GABRB1: variants seen among roughly 807,000 people sequenced by gnomAD.
GABRB1 encodes gamma-aminobutyric acid receptor subunit beta-1.
In GABRB1, 17 loss-of-function variants were observed where a neutral mutation model predicts 51.6. The observed-to-expected ratio is 0.33, with a 90% CI of 0.23 to 0.49. The LOEUF (loss-of-function observed/expected upper bound fraction) is 0.49, where lower values mean the gene tolerates loss of function less well. Ranked by LOEUF, GABRB1 falls within the 20% of genes least tolerant of loss-of-function variation. The probability of loss-of-function intolerance (pLI) is 0.99; values close to 1 mark genes in which losing one functional copy is unlikely to be tolerated. For synonymous variants in GABRB1, 247 were observed against 218.9 expected (o/e 1.13, Z -1.14); for missense variants, 410 against 600.6 (o/e 0.68, Z 3.32).
intron 4 of GABRB1, among the ~76,000 whole-genome samples, 153 bp downstream of exon 4, chr4:47,161,622 T>C (rs1717958568): frequency 6.6e-6 from 1 of 152,036 alleles, no homozygotes; most frequent in African/African-American, 2.4e-5. Context: ...CAAACCCTCA[T>C]GTAGTTAAGG....
intron 1 of GABRB1, among the ~76,000 whole-genome samples, chr4:47,010,972 A>T (rs1724564755): frequency 6.6e-6 from 1 of 152,036 alleles, no homozygotes; most frequent in South Asian, 2.1e-4. Context: ...TTTTAAACTC[A>T]TTGCCACTGA....
chr4:47,096,574 G>C (rs1210677627), intron 3 of GABRB1, among the ~76,000 whole-genome samples: 1 of 152,170 alleles, frequency 6.6e-6, no homozygotes, highest in Non-Finnish European at 1.5e-5. Flanking sequence ...AAATTTGCAG[G>C]TGTGATTAAT....
chr4:47,045,322 T>C (rs569473650), intron 3 of GABRB1, among the ~76,000 whole-genome samples: 4 of 152,252 alleles, frequency 2.6e-5, no homozygotes, highest in African/African-American at 9.6e-5. Flanking sequence ...AATGATATTT[T>C]CTTCTTAGGT....
chr4:47,335,141 GAGCTT>G (rs1047417469), intron 5 of GABRB1, among the ~76,000 whole-genome samples: 1 of 152,108 alleles, frequency 6.6e-6, no homozygotes, highest in African/African-American at 2.4e-5. Context: ...CATGAATTGT[GAGCTT>G]CAGGGTCTCA....
chr4:47,143,425 T>G (rs1000106418), intron 3 of GABRB1, among the ~76,000 whole-genome samples: 52 of 151,968 alleles, frequency 3.4e-4, no homozygotes, highest in African/African-American at 1.1e-3. Flanking sequence ...TTTCTGAGGA[T>G]TGCTCTATCT....
chr4:47,190,170 C>T (rs1185247915), intron 4 of GABRB1, among the ~76,000 whole-genome samples: 2 of 152,060 alleles, frequency 1.3e-5, no homozygotes, highest in Non-Finnish European at 2.9e-5. Flanking sequence ...ACAATGTGAA[C>T]ATACCTGACA....
chr4:47,124,113 AC>A (rs1469327717), intron 3 of GABRB1, among the ~76,000 whole-genome samples: 1 of 149,858 alleles, frequency 6.7e-6, no homozygotes, highest in Non-Finnish European at 1.5e-5. Flanking sequence ...AGTTGTTTAA[AC>A]CAATTGTTAG....
intron 3 of GABRB1, among the ~76,000 whole-genome samples, chr4:47,142,705 T>C (rs1014250277): frequency 2.0e-5 from 3 of 151,840 alleles, no homozygotes; most frequent in East Asian, 3.9e-4. Flanking sequence ...TACATCTGAA[T>C]TGAATTTAGA....
intron 5 of GABRB1, among the ~76,000 whole-genome samples, chr4:47,382,937 G>A (rs1199835272): frequency 2.6e-5 from 4 of 152,138 alleles, no homozygotes; most frequent in Non-Finnish European, 5.9e-5. Context: ...TTTCCTTCAT[G>A]CCCAGACACA....
At chr4:47,184,056 A>G (rs1719066569) in intron 4 of GABRB1, among the ~76,000 whole-genome samples, 1 of 151,934 alleles carries the variant, frequency 6.6e-6, no homozygotes. Context: ...ATTGGCTATT[A>G]TAAAGTGATT....
intron 4 of GABRB1, among the ~76,000 whole-genome samples, chr4:47,213,489 G>A (rs1411297970): frequency 6.8e-6 from 1 of 146,732 alleles, no homozygotes; most frequent in Admixed American, 6.8e-5. Flanking sequence ...TCACACTCTC[G>A]CTTTCTCTTC....
intron 3 of GABRB1, among the ~76,000 whole-genome samples, chr4:47,064,023 A>T (rs193287998): frequency 1.3e-5 from 2 of 152,228 alleles, no homozygotes; most frequent in African/African-American, 4.8e-5. Flanking sequence ...CATCCTGCAC[A>T]CATACCCATG....
chr4:47,298,158 G>A (rs1206661369), intron 4 of GABRB1, among the ~76,000 whole-genome samples: 5 of 152,136 alleles, frequency 3.3e-5, no homozygotes, highest in Non-Finnish European at 7.4e-5. Flanking sequence ...AAAACTGGAA[G>A]CATTCCCTTT....
intron 4 of GABRB1, among the ~76,000 whole-genome samples, chr4:47,232,407 G>C (rs1721171007): frequency 1.3e-5 from 2 of 152,020 alleles, no homozygotes; most frequent in African/African-American, 2.4e-5. Context: ...TTATTTGCCT[G>C]TTCCTCATCC....
chr4:47,299,617 T>C (rs1166285434), intron 4 of GABRB1, among the ~76,000 whole-genome samples: 3 of 151,942 alleles, frequency 2.0e-5, no homozygotes, highest in Non-Finnish European at 4.4e-5. Flanking sequence ...TGTGGAGAAA[T>C]AGGAACACTT....
chr4:47,069,452 G>A (rs1028618937), intron 3 of GABRB1, among the ~76,000 whole-genome samples: 4 of 152,106 alleles, frequency 2.6e-5, no homozygotes, highest in African/African-American at 7.2e-5. Context: ...GTTGAAAAAT[G>A]ACTGCTAATT....
At chr4:47,000,574 G>A (rs1386564285) in intron 1 of GABRB1, among the ~76,000 whole-genome samples, 1 of 152,144 alleles carries the variant, frequency 6.6e-6, no homozygotes, top group Non-Finnish European at 1.5e-5. Flanking sequence ...TCATCCCATT[G>A]CAGTTAGATA....
At chr4:47,055,599 C>T (rs1726556423) in intron 3 of GABRB1, among the ~76,000 whole-genome samples, 1 of 152,148 alleles carries the variant, frequency 6.6e-6, no homozygotes, top group South Asian at 2.1e-4. Context: ...GATGGAGCCA[C>T]CAGGTGAGAG....
Position 47,254,365 on chromosome 4 carries a change from T to G in GABRB1, c.462-65762T>G, listed in dbSNP as rs1321017902. Among the ~76,000 whole-genome samples the G allele has an allele frequency of 4.3e-3, 334 of 77,260 alleles. 72 individuals are homozygous for G. In the East Asian group the frequency reaches 0.07, roughly 16 times the overall value. The allele number at this position is 77,260 out of a possible 152,430, so 50.7% of individuals were successfully genotyped here. ...TGGATGATGTTTCTTTTCTTTGTTT[T>G]TTTTTTTTTTTTTTTTTTTTTTTTT... On this transcript the variant is annotated intron_variant, in intron 4 of 8. Coordinates refer to ENST00000295454, the MANE Select transcript of GABRB1 (RefSeq NM_000812.4).
Sources: allele counts gnomAD v4.1 joint callset (sites outside exome capture counted in the v4.1 genomes callset), GRCh38; gene constraint gnomAD v4.1.1; transcripts MANE v1.5; gene names NCBI Gene and HGNC (gene_info 2026-07-23, HGNC 2026-07-21).